Variants in PDK1 observed in about 807,000 individuals in gnomAD.
The protein encoded by PDK1 is pyruvate dehydrogenase kinase 1, also known as [Pyruvate dehydrogenase (acetyl-transferring)] kinase isozyme 1, mitochondrial.
In PDK1, 39 loss-of-function variants were observed where a neutral mutation model predicts 54.2. The observed-to-expected ratio is 0.72, with a 90% CI of 0.56 to 0.94. PDK1 has a LOEUF of 0.94. PDK1 is among the 40% of genes least tolerant of loss of function. The pLI is 0.00. For missense variants in PDK1, 552 were observed against 566.0 expected (o/e 0.98, Z 0.25); for synonymous variants, 221 against 207.1 (o/e 1.07, Z -0.58).
the PDK1 span, among the ~76,000 whole-genome samples, chr2:172,706,598 G>T: frequency 1.3e-5 from 2 of 151,920 alleles, no homozygotes; most frequent in African/African-American, 4.8e-5. Context: ...GCTAATTGGT[G>T]TTTGTGTTTT....
chr2:172,588,687 C>CAGT (rs1690397949), intron 9 of PDK1, among the ~76,000 whole-genome samples: 1 of 152,172 alleles, frequency 6.6e-6, no homozygotes, highest in Admixed American at 6.5e-5. Context: ...AGTCAGCAGG[C>CAGT]AGTAGGGTAG....
chr2:172,668,894 CAT>C, the PDK1 span, among the ~76,000 whole-genome samples: 46 of 113,182 alleles, frequency 4.1e-4, 1 homozygote, highest in Admixed American at 2.1e-3. Context: ...CACACACACA[CAT>C]ATATATATAT....
chr2:172,713,804 G>C, the PDK1 span, among the ~76,000 whole-genome samples: 2 of 152,204 alleles, frequency 1.3e-5, no homozygotes, highest in Non-Finnish European at 2.9e-5. Flanking sequence ...AACTGGGAAG[G>C]GGGTGTGGAT....
At chr2:172,591,819 A>G (rs1290598297) in intron 9 of PDK1, among the ~76,000 whole-genome samples, 3 of 152,258 alleles carry the variant, frequency 2.0e-5, no homozygotes, top group South Asian at 2.1e-4. Context: ...CGTTCAGTCC[A>G]TATTAACTTA....
chr2:172,567,817 T>G (rs1689035786), intron 6 of PDK1, among the ~76,000 whole-genome samples: 1 of 152,248 alleles, frequency 6.6e-6, no homozygotes. Context: ...GAATTAGAAT[T>G]CTAAGATATC....
In PDK1 at chr2:172,570,837, A is replaced by C. The variant is rs1379984395; in HGVS notation, c.945+13A>C. 1 of 1,486,942 alleles carries C rather than the reference A, an allele frequency of 6.7e-7. No individual in the cohort carries two copies. Among genetic ancestry groups the C allele is most frequent in the African/African-American group, 1.4e-5 (1 of 71,234 alleles). The allele number at this position is 1,486,942 out of a possible 1,614,324, so 92.1% of individuals were successfully genotyped here. On this transcript the variant is annotated intron_variant, in intron 8 of 10. Transcript: ENST00000282077. The stretch of plus-strand genomic sequence containing the variant: ...TTTGACTGTGAAGGTAAATGTGTTT[A>C]ATGGTTTGTTTTCTTTTTTTTTTTT...
chr2:172,581,147 C>T (rs1182875214), intron 8 of PDK1, among the ~76,000 whole-genome samples: 4 of 152,178 alleles, frequency 2.6e-5, no homozygotes, highest in East Asian at 1.9e-4. Context: ...GGCTGGAGTG[C>T]GGTGGCATGA....
intron 5 of PDK1, among the ~76,000 whole-genome samples, chr2:172,566,510 T>G (rs1688949422): frequency 6.6e-6 from 1 of 151,548 alleles, no homozygotes; most frequent in South Asian, 2.1e-4. Context: ...TGAGCCGAGA[T>G]AGCGCCACTG....
chr2:172,681,308 A>G, the PDK1 span, among the ~76,000 whole-genome samples: 1 of 151,818 alleles, frequency 6.6e-6, no homozygotes, highest in East Asian at 2.0e-4. Flanking sequence ...TCTGATCACT[A>G]ATAGTGGACA....
At chr2:172,565,217 T>C (rs1688870424) in intron 5 of PDK1, 144 bp downstream of exon 5, 1 of 613,018 alleles carries the variant, frequency 1.6e-6, no homozygotes, top group African/African-American at 1.8e-5. Context: ...ATAGTATTAT[T>C]TGTGCATTAT....
chr2:172,622,443 CAT>C, the PDK1 span, among the ~76,000 whole-genome samples: 853 of 134,306 alleles, frequency 6.4e-3, 7 homozygotes, highest in African/African-American at 0.016. Flanking sequence ...GTTTATATCT[CAT>C]ATATTATGTG....
chr2:172,662,362 T>C, the PDK1 span, among the ~76,000 whole-genome samples: 7 of 152,188 alleles, frequency 4.6e-5, no homozygotes, highest in African/African-American at 1.7e-4. Flanking sequence ...ATCTTAAAAA[T>C]GTATCGATAA....
chr2:172,664,311 CAAA>C, the PDK1 span, among the ~76,000 whole-genome samples: 5 of 44,174 alleles, frequency 1.1e-4, no homozygotes, highest in Admixed American at 1.0e-3. Flanking sequence ...AACTCTGCCT[CAAA>C]AAAAAAAAAA....
the PDK1 span, among the ~76,000 whole-genome samples, chr2:172,643,949 A>G: frequency 1.3e-5 from 2 of 152,262 alleles, no homozygotes; most frequent in African/African-American, 2.4e-5. Context: ...ACAAATGTCA[A>G]GGGTGGGCTA....
Position 172,556,211 on chromosome 2 carries a change from G to A in PDK1, c.61G>A (p.Ala21Thr), listed in dbSNP as rs2149169084. ...ALAGPGPGLR[A>T]AGFSRSFSSD... ...GGCCGGCCCGGGCCCGGGGCTGCGC[G>A]CCGCCGGCTTCAGCCGCAGCTTCAG... is the stretch of plus-strand genomic sequence containing the variant. Residue 21 changes from alanine (A) to threonine (T), a missense_variant, in exon 1 of 11, where the codon GCC (alanine) becomes ACC (threonine). Transcript: ENST00000282077. 7.1e-7 allele frequency: 1 copy of A among 1,418,190 alleles called. No individual in the cohort carries two copies. The highest frequency in any genetic ancestry group is 3.4e-5 in the Admixed American group (1 of 29,764). 87.9% of individuals were successfully genotyped at this position (1,418,190 alleles called of 1,614,324 possible). A position where few individuals can be genotyped will look rare whatever the true frequency, so the allele number is the denominator to read the frequency against.
intron 4 of PDK1, 50 bp downstream of exon 4, chr2:172,564,737 C>T: frequency 6.8e-7 from 1 of 1,460,716 alleles, no homozygotes; most frequent in Admixed American, 2.0e-5. Context: ...GATGTGTTGG[C>T]ATATTTTAAA....
chr2:172,691,606 C>T, the PDK1 span, among the ~76,000 whole-genome samples: 1 of 152,286 alleles, frequency 6.6e-6, no homozygotes, highest in East Asian at 1.9e-4. Flanking sequence ...AACCACTGAT[C>T]GTTTTGCTAT....
At chr2:172,623,989 AC>A in the PDK1 span, among the ~76,000 whole-genome samples, 1 of 152,122 alleles carries the variant, frequency 6.6e-6, no homozygotes, top group Middle Eastern at 3.4e-3. Context: ...GCAGCTACTT[AC>A]CCCTGCCTTC....
At chr2:172,665,082 C>T in the PDK1 span, among the ~76,000 whole-genome samples, 1 of 151,910 alleles carries the variant, frequency 6.6e-6, no homozygotes, top group South Asian at 2.1e-4. Context: ...TTTTATGTTT[C>T]CCTTTTTTCT....
Sources: gnomAD v4.1 joint callset for allele counts (sites outside exome capture counted in the v4.1 genomes callset) on GRCh38, gnomAD v4.1.1 for gene constraint, MANE v1.5 for transcripts, NCBI Gene and HGNC (gene_info 2026-07-23, HGNC 2026-07-21) for gene names.